KLHDC4: variants seen among roughly 807,000 people sequenced by gnomAD.
KLHDC4 encodes kelch domain-containing protein 4.
KLHDC4 carries 90 observed loss-of-function variants against 62.4 expected under a neutral mutation model. The ratio of observed to expected loss-of-function variants is 1.44; its 90% CI spans 1.22 to 1.72. KLHDC4 has a LOEUF of 1.72. Ranked by LOEUF, KLHDC4 falls within the 40% of genes most tolerant of loss-of-function variation. The pLI is 0.00. For synonymous variants in KLHDC4, 386 were observed against 284.4 expected (o/e 1.36, Z -3.59); for missense variants, 1,025 against 699.7 (o/e 1.47, Z -5.25).
chr16:87,729,075 C>G (rs2039877783), intron 6 of KLHDC4, among the ~76,000 whole-genome samples: 1 of 152,142 alleles, frequency 6.6e-6, no homozygotes, highest in Admixed American at 6.5e-5. Context: ...CTGTACCCAG[C>G]CTTAAATACT....
At chr16:87,763,251 T>A (rs1210474525) in intron 1 of KLHDC4, among the ~76,000 whole-genome samples, 1 of 152,218 alleles carries the variant, frequency 6.6e-6, no homozygotes, top group Non-Finnish European at 1.5e-5. Context: ...TTTTCTTCAA[T>A]CTTTTATTAC....
chr16:87,704,628 C>G (rs570137217), downstream of KLHDC4, among the ~76,000 whole-genome samples: 9 of 152,064 alleles, frequency 5.9e-5, no homozygotes, highest in East Asian at 1.7e-3. Context: ...TGGGGAGGGT[C>G]TCTCTCACCA....
chr16:87,700,894 C>T (rs111415082), exon 1 of KLHDC4: 19,179 of 247,500 alleles, frequency 0.077, 1,105 homozygotes, highest in Admixed American at 0.17. Context: ...AGGGAGGAAG[C>T]TGGAGGGCGG....
intron 5 of KLHDC4, among the ~76,000 whole-genome samples, chr16:87,738,107 G>C (rs2041651842): frequency 1.3e-5 from 2 of 152,154 alleles, no homozygotes; most frequent in African/African-American, 4.8e-5. Flanking sequence ...ACCACCCAGA[G>C]GGCAGAGCAG....
At chr16:87,750,157 G>A (rs2043701622) in intron 4 of KLHDC4, 1 of 152,260 alleles carries the variant, frequency 6.6e-6, no homozygotes, top group Non-Finnish European at 1.5e-5. Flanking sequence ...ATCCATCTGT[G>A]GAAAGAGCTG....
intron 4 of KLHDC4, among the ~76,000 whole-genome samples, chr16:87,752,854 C>T (rs1341287421): frequency 6.6e-6 from 1 of 152,198 alleles, no homozygotes; most frequent in African/African-American, 2.4e-5. Context: ...CTCCTGCCCA[C>T]GATGGAGCAA....
At position 87,701,660 on chromosome 16, in the gene KLHDC4, G is replaced by A. The variant is rs745547791; in HGVS notation, c.855C>T (p.Asp285=). 8.1e-5 allele frequency: 37 copies of A among 455,110 alleles called. 1 individual carries two copies. The highest frequency in any genetic ancestry group is 4.8e-4 in the South Asian group (31 of 64,530). 28.2% of individuals were successfully genotyped at this position (455,110 alleles called of 1,614,324 possible). A position where few individuals can be genotyped will look rare whatever the true frequency, so the allele number is the denominator to read the frequency against. The change falls in exon 1 of 1, where the codon GAC becomes GAT. Residue 285 remains aspartate (D), a synonymous_variant. Transcript: ENST00000446344. The stretch of plus-strand genomic sequence containing the variant: ...TACCTCACTGCCACTCGTCCGCCTC[G>A]TCCACTCCTGGCATTTGGGATAAAC...
chr16:87,723,941 A>C (rs972970678), intron 7 of KLHDC4, among the ~76,000 whole-genome samples: 1 of 152,112 alleles, frequency 6.6e-6, no homozygotes, highest in Non-Finnish European at 1.5e-5. Context: ...GGTTCAAGTG[A>C]TTCTCCTATC....
At chr16:87,754,335 G>A (rs1182962457) in intron 4 of KLHDC4, among the ~76,000 whole-genome samples, 1 of 152,124 alleles carries the variant, frequency 6.6e-6, no homozygotes, top group African/African-American at 2.4e-5. Context: ...GACAGAGCAA[G>A]ACTCCATCTC....
rs371854005 is a variant in KLHDC4 at position 87,709,681 on chromosome 16, G to A, written c.1045-14C>T. On this transcript the variant is annotated splice_polypyrimidine_tract_variant and intron_variant, in intron 9 of 11. Coordinates refer to ENST00000270583, the MANE Select transcript of KLHDC4 (RefSeq NM_017566.4). Reference sequence around the variant, plus strand: ...AGACTTGGGTCCCTATTAATAGACCGAGGAAGCAGAGAGCAGCAGCTTCAG... The same window carrying A: ...AGACTTGGGTCCCTATTAATAGACCAAGGAAGCAGAGAGCAGCAGCTTCAG... 5.9e-5 allele frequency: 93 copies of A among 1,566,196 alleles called. No homozygotes were observed. The African/African-American group carries it at 6.8e-4, about 11-fold the overall frequency.
chr16:87,756,299 G>A (rs2044884083), intron 3 of KLHDC4, 100 bp downstream of exon 3: 2 of 872,298 alleles, frequency 2.3e-6, no homozygotes, highest in South Asian at 2.8e-5. Flanking sequence ...TACAAGGGGT[G>A]AAGGGGCTAA....
intron 7 of KLHDC4, among the ~76,000 whole-genome samples, chr16:87,718,804 C>T (rs1049918389): frequency 7.9e-5 from 12 of 151,746 alleles, no homozygotes; most frequent in African/African-American, 2.2e-4. Context: ...GGCCGCCCAT[C>T]GTCTGAGATG....
intron 6 of KLHDC4, among the ~76,000 whole-genome samples, chr16:87,727,783 A>C (rs937225012): frequency 7.9e-5 from 12 of 152,248 alleles, no homozygotes; most frequent in Admixed American, 3.9e-4. Context: ...AAGAGCAAGC[A>C]GCTCTAGCCC....
chr16:87,711,993 G>C (rs1472306656), intron 8 of KLHDC4, among the ~76,000 whole-genome samples: 1 of 147,944 alleles, frequency 6.8e-6, no homozygotes, highest in Non-Finnish European at 1.5e-5. Context: ...CTGAATGCCT[G>C]TGCCAGCCGC....
intron 8 of KLHDC4, among the ~76,000 whole-genome samples, chr16:87,711,792 G>A (rs548917730): frequency 3.2e-4 from 49 of 152,314 alleles, no homozygotes; most frequent in Admixed American, 2.9e-3. Flanking sequence ...CCTGCACAGG[G>A]ACCCTCCGCC....
chr16:87,743,029 A>C (rs2042473527), intron 5 of KLHDC4: 1 of 152,466 alleles, frequency 6.6e-6, no homozygotes, highest in Non-Finnish European at 1.5e-5. Flanking sequence ...TCCACACGCC[A>C]GCACCGGCAC....
chr16:87,750,082 G>A (rs1486316782), intron 4 of KLHDC4, among the ~76,000 whole-genome samples: 9 of 152,118 alleles, frequency 5.9e-5, no homozygotes, highest in Non-Finnish European at 1.2e-4. Flanking sequence ...GAGGCCCTCC[G>A]TGGCCCACTC....
intron 5 of KLHDC4, among the ~76,000 whole-genome samples, chr16:87,735,976 G>C (rs147185413): frequency 1.3e-5 from 2 of 152,196 alleles, no homozygotes; most frequent in South Asian, 4.1e-4. Context: ...GCTTCTCTGA[G>C]TTAAGCACTC....
At chr16:87,765,463 C>G in intron 1 of KLHDC4, 1 of 499,620 alleles carries the variant, frequency 2.0e-6, no homozygotes, top group Non-Finnish European at 3.9e-6. Flanking sequence ...CTCTTCTCAC[C>G]ACCCAGCCTC....
Sources: allele counts gnomAD v4.1 joint callset (sites outside exome capture counted in the v4.1 genomes callset), GRCh38; gene constraint gnomAD v4.1.1; transcripts MANE v1.5; gene names NCBI Gene and HGNC (gene_info 2026-07-23, HGNC 2026-07-21).